The following RANBP17 variants were observed in gnomAD, a reference collection of about 807,000 sequenced individuals.
The protein encoded by RANBP17 is ran-binding protein 17.
Under a neutral mutation model 141.2 loss-of-function variants are expected in RANBP17, and 158 were observed. The ratio of observed to expected loss-of-function variants is 1.12; its 90% CI spans 0.98 to 1.28. RANBP17 has a LOEUF of 1.28. Among genes scored for constraint, RANBP17 ranks in the 50% most tolerant of loss-of-function variants. RANBP17 has a pLI of 0.00. For synonymous variants in RANBP17, 430 were observed against 450.0 expected, an observed-to-expected ratio of 0.96 and a Z score of 0.56; for missense variants, 1,438 against 1,290.7, an observed-to-expected ratio of 1.11 and a Z score of -1.75.
At chr5:170,907,985 A>G (rs567870812) in intron 5 of RANBP17, among the ~76,000 whole-genome samples, 1 of 152,110 alleles carries the variant, frequency 6.6e-6, no homozygotes, top group East Asian at 1.9e-4. Flanking sequence ...ACCATTTCAC[A>G]CCAGTCAGAA....
chr5:171,260,479 A>AG (rs1561809045), intron 24 of RANBP17, among the ~76,000 whole-genome samples: 2 of 151,296 alleles, frequency 1.3e-5, no homozygotes, highest in African/African-American at 4.9e-5. Flanking sequence ...AAAAAAAAAA[A>AG]AGAGATAGAT....
chr5:171,111,862 G>A (rs1337400394), intron 14 of RANBP17, among the ~76,000 whole-genome samples: 1 of 151,958 alleles, frequency 6.6e-6, no homozygotes, highest in Non-Finnish European at 1.5e-5. Context: ...TCCCCTTTAG[G>A]TTATGAGCCA....
At chr5:170,872,922 C>A (rs1368677150) in intron 1 of RANBP17, among the ~76,000 whole-genome samples, 1 of 151,134 alleles carries the variant, frequency 6.6e-6, no homozygotes, top group Non-Finnish European at 1.5e-5. Flanking sequence ...TTCTTTTTTT[C>A]TTTTTTTAAG....
rs957345940 is a variant in RANBP17 at position 170,862,050 on chromosome 5, A to G, written c.17A>G (p.Gln6Arg). The change falls in exon 1 of 28, where the codon CAG becomes CGG. Residue 6 changes from glutamine (Q) to arginine (R), a missense_variant and splice_region_variant. Gln to Arg is a conservative substitution (Grantham distance 43, BLOSUM62 1). Coordinates refer to ENST00000523189, the MANE Select transcript of RANBP17 (RefSeq NM_022897.5). MALHFQSLAELEVLCT... is the reference protein window; with the variant it reads MALHFRSLAELEVLCT... Reference sequence around the variant, plus strand: ...CCTGGGAAGATGGCGCTGCACTTCCAGGTCAGTGTGCTCTGCGCCGCGGGC... The same window carrying G: ...CCTGGGAAGATGGCGCTGCACTTCCGGGTCAGTGTGCTCTGCGCCGCGGGC... 2 of 1,462,924 alleles carry G rather than the reference A, an allele frequency of 1.4e-6. No individual in the cohort carries two copies. Among genetic ancestry groups the G allele is most frequent in the Non-Finnish European group, 1.8e-6 (2 of 1,114,522 alleles). The allele number at this position is 1,462,924 out of a possible 1,614,324, so 90.6% of individuals were successfully genotyped here.
intron 12 of RANBP17, among the ~76,000 whole-genome samples, chr5:170,952,560 A>G (rs969239433): frequency 1.3e-5 from 2 of 152,004 alleles, no homozygotes; most frequent in Non-Finnish European, 2.9e-5. Flanking sequence ...AACAGAAAGA[A>G]TTTGTTCTTT....
chr5:171,235,994 A>G (rs916890865), intron 22 of RANBP17, among the ~76,000 whole-genome samples: 7 of 152,200 alleles, frequency 4.6e-5, no homozygotes, highest in African/African-American at 1.7e-4. Flanking sequence ...ATCCTTATCA[A>G]CACTGCATTG....
At chr5:170,888,620 A>T (rs1200441266) in intron 3 of RANBP17, among the ~76,000 whole-genome samples, 2 of 151,896 alleles carry the variant, frequency 1.3e-5, no homozygotes, top group African/African-American at 4.8e-5. Flanking sequence ...GTTCTTTCAT[A>T]TTTTCTACAT....
intron 12 of RANBP17, among the ~76,000 whole-genome samples, chr5:170,939,421 G>A (rs1382630522): frequency 1.3e-5 from 2 of 151,742 alleles, no homozygotes; most frequent in African/African-American, 4.8e-5. Context: ...GTCTTGCCCT[G>A]TCAACCAGGC....
At chr5:171,044,674 A>G (rs1248342149) in intron 14 of RANBP17, among the ~76,000 whole-genome samples, 1 of 152,080 alleles carries the variant, frequency 6.6e-6, no homozygotes, top group East Asian at 1.9e-4. Context: ...CTCGTTAAAC[A>G]ATAGTGTCTG....
intron 14 of RANBP17, among the ~76,000 whole-genome samples, chr5:171,152,300 A>G (rs1758543054): frequency 1.3e-5 from 2 of 151,632 alleles, no homozygotes. Flanking sequence ...CATGCCTGCA[A>G]TCCCAGCTAC....
intron 14 of RANBP17, among the ~76,000 whole-genome samples, chr5:171,109,599 C>G (rs1755078368): frequency 6.6e-6 from 1 of 152,106 alleles, no homozygotes; most frequent in African/African-American, 2.4e-5. Flanking sequence ...AGTGCACATC[C>G]TCTCACATAC....
chr5:171,192,341 G>C (rs1222500614), intron 18 of RANBP17, among the ~76,000 whole-genome samples: 2 of 152,182 alleles, frequency 1.3e-5, no homozygotes, highest in Admixed American at 1.3e-4. Flanking sequence ...AGCCCATTAA[G>C]TCCAGATCCA....
At chr5:171,154,944 G>A (rs919362031) in intron 14 of RANBP17, among the ~76,000 whole-genome samples, 1 of 151,586 alleles carries the variant, frequency 6.6e-6, no homozygotes, top group East Asian at 1.9e-4. Flanking sequence ...GGGCATGGTG[G>A]CGGGGCACCT....
intron 14 of RANBP17, among the ~76,000 whole-genome samples, chr5:170,988,642 A>T (rs1778311719): frequency 1.3e-5 from 2 of 151,726 alleles, no homozygotes; most frequent in South Asian, 4.1e-4. Flanking sequence ...CTAGGGCCAC[A>T]AATATGCATA....
At chr5:171,269,059 T>C (rs1200837934) in intron 25 of RANBP17, among the ~76,000 whole-genome samples, 1 of 152,338 alleles carries the variant, frequency 6.6e-6, no homozygotes, top group South Asian at 2.1e-4. Flanking sequence ...TTATTTGGAA[T>C]GTAGGCTTTC....
intron 25 of RANBP17, among the ~76,000 whole-genome samples, chr5:171,282,717 T>A (rs1195694128): frequency 6.6e-6 from 1 of 151,990 alleles, no homozygotes; most frequent in Non-Finnish European, 1.5e-5. Flanking sequence ...TGACCTCAGG[T>A]GACCCACCTG....
intron 12 of RANBP17, among the ~76,000 whole-genome samples, chr5:170,941,790 C>G (rs1425310752): frequency 6.6e-6 from 1 of 152,106 alleles, no homozygotes; most frequent in Non-Finnish European, 1.5e-5. Flanking sequence ...AAAAGGAATT[C>G]TTATATACTT....
chr5:171,155,386 T>C (rs1027700942), intron 14 of RANBP17, among the ~76,000 whole-genome samples: 22 of 151,976 alleles, frequency 1.4e-4, no homozygotes, highest in Admixed American at 1.3e-3. Context: ...GAGAATAATA[T>C]CATTTAATAT....
intron 14 of RANBP17, among the ~76,000 whole-genome samples, chr5:171,021,160 C>A (rs1356113500): frequency 6.6e-6 from 1 of 152,174 alleles, no homozygotes; most frequent in Non-Finnish European, 1.5e-5. Flanking sequence ...TGGTGGGCTT[C>A]CCTTTGTAAG....
Sources: gnomAD v4.1 joint callset for allele counts (sites outside exome capture counted in the v4.1 genomes callset) on GRCh38, gnomAD v4.1.1 for gene constraint, MANE v1.5 for transcripts, NCBI Gene and HGNC (gene_info 2026-07-23, HGNC 2026-07-21) for gene names.